Variants in RBFOX1 observed in about 807,000 individuals in gnomAD.
RBFOX1 encodes the protein RNA binding protein fox-1 homolog 1.
A neutral mutation model predicts 57.7 loss-of-function variants in RBFOX1; 8 were observed. That is an observed-to-expected ratio of 0.14 (90% confidence interval 0.08 to 0.25). The LOEUF is 0.25. Among genes scored for constraint, RBFOX1 ranks in the 10% least tolerant of loss-of-function variants. The pLI is 1.00. For missense variants in RBFOX1, 611 were observed against 548.5 expected (o/e 1.11, Z -1.14); for synonymous variants, 326 against 222.4 (o/e 1.47, Z -4.15).
At chr16:6,625,068 G>T (rs952915152) in intron 2 of RBFOX1, among the ~76,000 whole-genome samples, 3 of 149,996 alleles carry the variant, frequency 2.0e-5, no homozygotes, top group Non-Finnish European at 4.4e-5. Flanking sequence ...GGGAGGCTGA[G>T]GCTAGAGAAT....
intron 3 of RBFOX1, among the ~76,000 whole-genome samples, chr16:5,813,311 C>T (rs990943500): frequency 3.3e-5 from 5 of 152,206 alleles, no homozygotes; most frequent in Non-Finnish European, 1.5e-5. Flanking sequence ...GTGTTAAATG[C>T]ACCCACAACA....
chr16:5,430,507 G>C (rs114276197), intron 1 of RBFOX1, among the ~76,000 whole-genome samples: 2,776 of 152,266 alleles, frequency 0.018, 85 homozygotes, highest in African/African-American at 0.062. Context: ...GGTTGGGGAA[G>C]AGCACCCAGG....
intron 4 of RBFOX1, chr16:7,333,206 C>T: frequency 2.3e-6 from 2 of 881,860 alleles, no homozygotes; most frequent in Non-Finnish European, 1.8e-6. Flanking sequence ...CTCGCGTAGT[C>T]AGTGAGAAGA....
intron 1 of RBFOX1, among the ~76,000 whole-genome samples, chr16:5,301,701 G>C (rs559629934): frequency 6.6e-6 from 1 of 150,892 alleles, no homozygotes; most frequent in South Asian, 2.1e-4. Context: ...AAATCCTTGA[G>C]ATAACTGCCA....
chr16:6,969,820 C>T (rs2029627), intron 3 of RBFOX1, among the ~76,000 whole-genome samples: 1 of 151,970 alleles, frequency 6.6e-6, no homozygotes, highest in Admixed American at 6.6e-5. Flanking sequence ...GCCTCATCCT[C>T]GTTCTGGCCC....
chr16:5,514,850 A>G (rs936504555), intron 2 of RBFOX1, among the ~76,000 whole-genome samples: 1 of 152,172 alleles, frequency 6.6e-6, no homozygotes, highest in African/African-American at 2.4e-5. Flanking sequence ...TTGTATTACT[A>G]TAAAGGAATA....
At chr16:6,857,894 A>G (rs2058199944) in intron 3 of RBFOX1, among the ~76,000 whole-genome samples, 1 of 152,202 alleles carries the variant, frequency 6.6e-6, no homozygotes, top group Non-Finnish European at 1.5e-5. Context: ...TGAGCTAATG[A>G]GCCTATCCCA....
Position 5,551,579 on chromosome 16 carries a change from A to G in RBFOX1, c.259-47323A>G, listed in dbSNP as rs1395112700. On this transcript the variant is annotated intron_variant, in intron 2 of 2. Transcript: ENST00000585867. The stretch of plus-strand genomic sequence containing the variant: ...TCAAGGGTGATGCCTGTTCTCTAGC[A>G]GCTTGCTTTCAGCACGGTGATTCGG... 2.0e-5 allele frequency among the ~76,000 whole-genome samples: 3 copies of G among 152,316 alleles called. No individual in the cohort carries two copies. In the East Asian group the frequency reaches 5.8e-4, roughly 29 times the overall value.
intron 4 of RBFOX1, among the ~76,000 whole-genome samples, chr16:7,318,036 ATGG>A (rs879773888): frequency 8.0e-5 from 12 of 150,630 alleles, no homozygotes; most frequent in Non-Finnish European, 1.0e-4. Flanking sequence ...TGATGTGAAA[ATGG>A]TGGTGGTGGT....
chr16:6,000,576 C>T (rs1321565648), intron 4 of RBFOX1, among the ~76,000 whole-genome samples: 1 of 152,090 alleles, frequency 6.6e-6, no homozygotes, highest in Non-Finnish European at 1.5e-5. Flanking sequence ...TATAACTAGC[C>T]AGCCTCTAGA....
At chr16:7,504,755 T>TA (rs2072480043) in intron 4 of RBFOX1, among the ~76,000 whole-genome samples, 1 of 10,002 alleles carries the variant, frequency 1.0e-4, no homozygotes, top group East Asian at 3.8e-3. Context: ...ATATATATAT[T>TA]TATATATATA....
chr16:7,104,063 C>G (rs2063153742), intron 4 of RBFOX1, among the ~76,000 whole-genome samples: 1 of 152,098 alleles, frequency 6.6e-6, no homozygotes, highest in African/African-American at 2.4e-5. Flanking sequence ...TAGTTCGTTA[C>G]TAAAAGCAAT....
intron 1 of RBFOX1, among the ~76,000 whole-genome samples, chr16:6,268,924 G>T (rs1470608371): frequency 6.6e-6 from 1 of 152,170 alleles, no homozygotes; most frequent in Non-Finnish European, 1.5e-5. Context: ...GGATGTTCAA[G>T]TTCCTGATAT....
intron 2 of RBFOX1, among the ~76,000 whole-genome samples, chr16:5,478,734 C>A (rs556785052): frequency 1.3e-5 from 2 of 152,258 alleles, no homozygotes; most frequent in South Asian, 4.1e-4. Context: ...CACGAGGCAC[C>A]TTTTCCCACT....
intron 3 of RBFOX1, among the ~76,000 whole-genome samples, chr16:5,783,747 C>A (rs1347701568): frequency 6.6e-6 from 1 of 152,174 alleles, no homozygotes; most frequent in African/African-American, 2.4e-5. Context: ...CCAAAACTTA[C>A]CAAAAACCTC....
chr16:7,342,799 C>G (rs149757279), intron 4 of RBFOX1, among the ~76,000 whole-genome samples: 1 of 152,110 alleles, frequency 6.6e-6, no homozygotes, highest in East Asian at 1.9e-4. Context: ...AGCCACCATC[C>G]TCTTCCCACT....
chr16:6,994,168 C>T (rs1442290560), intron 3 of RBFOX1, among the ~76,000 whole-genome samples: 1 of 152,044 alleles, frequency 6.6e-6, no homozygotes, highest in African/African-American at 2.4e-5. Flanking sequence ...ATCAGGGAGC[C>T]ACAGGAAGCT....
chr16:6,843,983 C>G (rs1312211083), intron 3 of RBFOX1, among the ~76,000 whole-genome samples: 2 of 152,096 alleles, frequency 1.3e-5, no homozygotes, highest in South Asian at 2.1e-4. Context: ...GTACAATTCA[C>G]TATTAACAAA....
intron 1 of RBFOX1, among the ~76,000 whole-genome samples, chr16:6,235,133 A>C (rs1372016341): frequency 6.6e-6 from 1 of 152,036 alleles, no homozygotes; most frequent in Non-Finnish European, 1.5e-5. Flanking sequence ...CTCCTTTTTG[A>C]CTCAATTATT....
Sources: allele counts gnomAD v4.1 joint callset (sites outside exome capture counted in the v4.1 genomes callset), GRCh38; gene constraint gnomAD v4.1.1; transcripts MANE v1.5; gene names NCBI Gene and HGNC (gene_info 2026-07-23, HGNC 2026-07-21).